Variants in CACNB2 observed in about 807,000 individuals in gnomAD.
CACNB2 encodes calcium voltage-gated channel auxiliary subunit beta 2.
In CACNB2, 42 loss-of-function variants were observed where a neutral mutation model predicts 73.3. That is an observed-to-expected ratio of 0.57 (90% CI 0.45 to 0.74). CACNB2 has a LOEUF of 0.74. CACNB2 is among the 30% of genes least tolerant of loss of function. The pLI is 0.00. For missense variants in CACNB2, 940 were observed against 853.0 expected (o/e 1.10, Z -1.27); for synonymous variants, 348 against 310.3 (o/e 1.12, Z -1.28).
intron 2 of CACNB2, among the ~76,000 whole-genome samples, chr10:18,335,020 A>G (rs1475091770): frequency 2.0e-5 from 3 of 152,158 alleles, no homozygotes; most frequent in Admixed American, 2.0e-4. Context: ...AAAAACCGTG[A>G]AAACATGCTA....
intron 2 of CACNB2, among the ~76,000 whole-genome samples, chr10:18,322,416 G>C (rs1046743572): frequency 6.6e-6 from 1 of 152,150 alleles, no homozygotes; most frequent in African/African-American, 2.4e-5. Flanking sequence ...GTTCTTTGCT[G>C]TTCACCAACA....
intron 2 of CACNB2, among the ~76,000 whole-genome samples, chr10:18,326,470 G>A (rs1420524010): frequency 6.6e-6 from 1 of 152,168 alleles, no homozygotes; most frequent in African/African-American, 2.4e-5. Flanking sequence ...TTTAATCCAG[G>A]GAGAAGGAGC....
intron 2 of CACNB2, among the ~76,000 whole-genome samples, chr10:18,235,380 C>T (rs1161423993): frequency 1.3e-5 from 2 of 151,906 alleles, no homozygotes; most frequent in African/African-American, 4.8e-5. Flanking sequence ...ATCCCTTGAT[C>T]CTAGAAGGTT....
chr10:18,469,198 C>A (rs2048052501), intron 3 of CACNB2, among the ~76,000 whole-genome samples: 1 of 152,078 alleles, frequency 6.6e-6, no homozygotes, highest in African/African-American at 2.4e-5. Context: ...TATGAGTGCA[C>A]CACTGCACTC....
intron 2 of CACNB2, among the ~76,000 whole-genome samples, chr10:18,361,476 G>GCAAC (rs2042135143): frequency 7.1e-6 from 1 of 140,794 alleles, no homozygotes; most frequent in Non-Finnish European, 1.5e-5. Context: ...TCCAGCCTGG[G>GCAAC]CAACAAAGCA....
At chr10:18,277,840 T>C (rs2038366688) in intron 2 of CACNB2, among the ~76,000 whole-genome samples, 1 of 152,200 alleles carries the variant, frequency 6.6e-6, no homozygotes, top group African/African-American at 2.4e-5. Context: ...TTTTCTTTTT[T>C]AAAAAATGGA....
chr10:18,321,095 G>C (rs1371969678), intron 2 of CACNB2, among the ~76,000 whole-genome samples: 1 of 152,128 alleles, frequency 6.6e-6, no homozygotes, highest in East Asian at 1.9e-4. Context: ...GTGTCTCTTA[G>C]AAACAGAGAA....
intron 3 of CACNB2, among the ~76,000 whole-genome samples, chr10:18,442,982 A>G (rs1348423516): frequency 1.9e-4 from 3 of 15,456 alleles, no homozygotes; most frequent in Non-Finnish European, 2.8e-4. Flanking sequence ...GTATATATAT[A>G]TATGTATATA....
chr10:18,356,797 T>A (rs1350237589), intron 2 of CACNB2, among the ~76,000 whole-genome samples: 1 of 151,910 alleles, frequency 6.6e-6, no homozygotes, highest in Non-Finnish European at 1.5e-5. Context: ...GCCTGGCTAA[T>A]TTTTTTATAT....
chr10:18,525,047 A>C (rs1021609127), intron 9 of CACNB2, among the ~76,000 whole-genome samples: 6 of 150,422 alleles, frequency 4.0e-5, no homozygotes, highest in African/African-American at 9.8e-5. Flanking sequence ...AAAAAAAAAA[A>C]AACACATTAT....
At chr10:18,479,700 G>A (rs35993778) in intron 3 of CACNB2, among the ~76,000 whole-genome samples, 1 of 58,042 alleles carries the variant, frequency 1.7e-5, no homozygotes, top group African/African-American at 6.3e-5. Flanking sequence ...TCTCTCTCTC[G>A]CTCGCTCGCT....
intron 3 of CACNB2, among the ~76,000 whole-genome samples, chr10:18,428,241 A>G (rs998199673): frequency 6.6e-6 from 1 of 152,014 alleles, no homozygotes; most frequent in Non-Finnish European, 1.5e-5. Flanking sequence ...TAGTGGGACA[A>G]TATTTATCTT....
intron 3 of CACNB2, among the ~76,000 whole-genome samples, chr10:18,470,268 C>A (rs2048111630): frequency 6.6e-6 from 1 of 150,568 alleles, no homozygotes; most frequent in African/African-American, 2.4e-5. Context: ...TGGAGGATCA[C>A]CTGAGGTCTG....
At chr10:18,335,007 GA>G (rs1435017441) in intron 2 of CACNB2, among the ~76,000 whole-genome samples, 4 of 151,306 alleles carry the variant, frequency 2.6e-5, no homozygotes, top group Non-Finnish European at 5.9e-5. Flanking sequence ...TCATAACTAG[GA>G]AAAAAACCGT....
At chr10:18,391,063 A>G (rs761489247) in intron 2 of CACNB2, among the ~76,000 whole-genome samples, 86 of 152,342 alleles carry the variant, frequency 5.6e-4, no homozygotes, top group Admixed American at 3.7e-3. Context: ...CACTGGAAAA[A>G]GGATGCTAAA....
At chr10:18,148,514 A>G (rs2031213429) in intron 1 of CACNB2, among the ~76,000 whole-genome samples, 1 of 152,234 alleles carries the variant, frequency 6.6e-6, no homozygotes, top group Admixed American at 6.5e-5. Flanking sequence ...TGCAGAGAAC[A>G]GCCACCTCCT....
chr10:18,235,394 G>C (rs1041504311), intron 2 of CACNB2, among the ~76,000 whole-genome samples: 1 of 149,436 alleles, frequency 6.7e-6, no homozygotes, highest in African/African-American at 2.5e-5. Context: ...GAAGGTTAAG[G>C]CTGCAGTGAG....
rs988658582 is a variant in CACNB2, at chr10:18,140,801, A to G, written c.65A>G (p.Gln22Arg). ...GCGGCGGCGGTGGCGCAGGAGATCC[A>G]GATGGAACTGCTAGAGAACGTGGCT... ...TAAAAVAQEIQMELLENVAPA... is the reference protein window; with the variant it reads ...TAAAAVAQEIRMELLENVAPA... The change falls in exon 1 of 14, where the codon CAG becomes CGG. Residue 22 changes from glutamine to arginine, a missense_variant. By Grantham distance (43) the Gln-to-Arg change is conservative (BLOSUM62 1). Coordinates refer to ENST00000324631, the MANE Select transcript of CACNB2 (RefSeq NM_201596.3). 1.9e-6 allele frequency: 3 copies of G among 1,603,860 alleles called. No homozygotes were observed. Among genetic ancestry groups the G allele is most frequent in the East Asian group, 2.2e-5 (1 of 44,470 alleles).
intron 3 of CACNB2, among the ~76,000 whole-genome samples, chr10:18,487,351 T>C (rs748733561): frequency 6.6e-6 from 1 of 152,204 alleles, no homozygotes; most frequent in South Asian, 2.1e-4. Context: ...TTCAGGCTGC[T>C]TTTTGTTAGA....
Sources: gnomAD v4.1 joint callset for allele counts (sites outside exome capture counted in the v4.1 genomes callset) on GRCh38, gnomAD v4.1.1 for gene constraint, MANE v1.5 for transcripts, NCBI Gene and HGNC (gene_info 2026-07-23, HGNC 2026-07-21) for gene names.